ZNF254: variants seen among roughly 807,000 people sequenced by gnomAD.
ZNF254 encodes CTD-2017D11.1.
ZNF254 carries 10 observed loss-of-function variants against 12.4 expected under a neutral mutation model. That is an observed-to-expected ratio of 0.80 (90% CI 0.50 to 1.36). The LOEUF (loss-of-function observed/expected upper bound fraction) is 1.36. Ranked by LOEUF, ZNF254 falls within the 40% of genes most tolerant of loss-of-function variation. ZNF254 has a pLI of 0.00. For missense variants in ZNF254, 996 were observed against 763.9 expected (o/e 1.30, Z -3.58); for synonymous variants, 305 against 253.4 (o/e 1.20, Z -1.93).
At chr19:24,117,635 C>T (rs1323832063) in intron 3 of ZNF254, among the ~76,000 whole-genome samples, 2 of 152,130 alleles carry the variant, frequency 1.3e-5, no homozygotes, top group Non-Finnish European at 2.9e-5. Flanking sequence ...CTCCCTGACC[C>T]CTTGCACTTC....
chr19:24,072,162 T>A (rs1209256409), intron 2 of ZNF254, among the ~76,000 whole-genome samples: 1 of 151,740 alleles, frequency 6.6e-6, no homozygotes, highest in Non-Finnish European at 1.5e-5. Context: ...TCTTTCTGTT[T>A]TTCTTTTTCA....
At chr19:24,037,298 T>C (rs1472622516) in intron 1 of ZNF254, among the ~76,000 whole-genome samples, 2 of 152,170 alleles carry the variant, frequency 1.3e-5, no homozygotes, top group Non-Finnish European at 2.9e-5. Flanking sequence ...TGTCCATGAG[T>C]TCAAGATTAT....
chr19:24,124,716 T>A (rs940667840), intron 3 of ZNF254, among the ~76,000 whole-genome samples: 7 of 152,118 alleles, frequency 4.6e-5, no homozygotes, highest in Admixed American at 3.9e-4. Flanking sequence ...TGTTAACAGT[T>A]CACTGACTAT....
At chr19:24,051,473 T>G (rs575249059) in intron 2 of ZNF254, among the ~76,000 whole-genome samples, 7 of 152,336 alleles carry the variant, frequency 4.6e-5, no homozygotes, top group East Asian at 1.9e-4. Flanking sequence ...GTAACTCTTT[T>G]GTTTGGACTG....
At chr19:24,067,207 GACTCTCCTCTC>G (rs1228921022) in intron 2 of ZNF254, among the ~76,000 whole-genome samples, 1 of 151,876 alleles carries the variant, frequency 6.6e-6, no homozygotes, top group Non-Finnish European at 1.5e-5. Flanking sequence ...TATTTTATGT[GACTCTCCTCTC>G]TTATCTTCAC....
At chr19:24,124,258 C>T (rs996458647) in intron 3 of ZNF254, among the ~76,000 whole-genome samples, 1 of 151,900 alleles carries the variant, frequency 6.6e-6, no homozygotes, top group African/African-American at 2.4e-5. Context: ...TACCTTCCCT[C>T]AAATTTGTCA....
chr19:24,050,603 G>A lies in ZNF254; in HGVS notation c.-94+4324G>A, dbSNP rs147237920. Among the ~76,000 whole-genome samples, 206 of 152,292 alleles carry A rather than the reference G, an allele frequency of 1.4e-3. 1 individual carries two copies. The highest frequency in any genetic ancestry group is 4.8e-3 in the African/African-American group (198 of 41,564). The stretch of plus-strand genomic sequence containing the variant: ...ACTTACTGCTGAATTTAGCATACAG[G>A]TGATATGATTCTTCTGCTGACTCGC... On this transcript the variant is annotated intron_variant, in intron 2 of 4. Transcript: ENST00000613065.
chr19:24,096,440 G>T (rs1972676255), intron 1 of ZNF254, among the ~76,000 whole-genome samples: 1 of 152,040 alleles, frequency 6.6e-6, no homozygotes, highest in African/African-American at 2.4e-5. Context: ...TTATTCAAGT[G>T]CAGGTTGTTT....
upstream of ZNF254, chr19:24,087,078 T>C: frequency 2.0e-6 from 1 of 503,744 alleles, no homozygotes; most frequent in East Asian, 3.7e-5. Flanking sequence ...TCACTCAGGG[T>C]CTGAGTAGGC....
intron 2 of ZNF254, among the ~76,000 whole-genome samples, chr19:24,068,691 C>T (rs1460306939): frequency 6.6e-6 from 1 of 152,146 alleles, no homozygotes; most frequent in African/African-American, 2.4e-5. Flanking sequence ...TGGTCCTTGC[C>T]TTCAAAAAAG....
intron 1 of ZNF254, among the ~76,000 whole-genome samples, chr19:24,090,381 C>T (rs953576750): frequency 6.6e-6 from 1 of 152,126 alleles, no homozygotes; most frequent in South Asian, 2.1e-4. Context: ...CCTGACTTGA[C>T]ACATGATTAA....
At chr19:24,075,778 G>GA (rs1223312363) in intron 2 of ZNF254, among the ~76,000 whole-genome samples, 1 of 152,224 alleles carries the variant, frequency 6.6e-6, no homozygotes, top group Non-Finnish European at 1.5e-5. Context: ...AAGCCTGGGG[G>GA]CGCTGCAGGA....
intron 3 of ZNF254, among the ~76,000 whole-genome samples, chr19:24,109,939 G>A (rs1973567440): frequency 6.6e-6 from 1 of 151,368 alleles, no homozygotes; most frequent in Non-Finnish European, 1.5e-5. Context: ...ATGTTGGTCA[G>A]GCAGGTCTCA....
chr19:24,113,783 A>G (rs981141233), intron 3 of ZNF254, among the ~76,000 whole-genome samples: 3 of 152,050 alleles, frequency 2.0e-5, no homozygotes, highest in Admixed American at 6.6e-5. Flanking sequence ...TACCTAGAAA[A>G]CCCCATTGTC....
At chr19:24,108,030 C>G (rs186973417) in intron 3 of ZNF254, among the ~76,000 whole-genome samples, 3 of 152,296 alleles carry the variant, frequency 2.0e-5, no homozygotes, top group Non-Finnish European at 4.4e-5. Flanking sequence ...TTTCTGCACT[C>G]AGGCCTGCAT....
intron 3 of ZNF254, among the ~76,000 whole-genome samples, chr19:24,124,620 T>C (rs781389475): frequency 1.3e-5 from 2 of 152,074 alleles, no homozygotes; most frequent in Non-Finnish European, 2.9e-5. Flanking sequence ...GCTGATGGTA[T>C]TATTCTCAAT....
chr19:24,051,635 A>G (rs1481182392), intron 2 of ZNF254, among the ~76,000 whole-genome samples: 5 of 152,218 alleles, frequency 3.3e-5, no homozygotes, highest in East Asian at 1.9e-4. Flanking sequence ...ACCTGCACAC[A>G]TTGTGTACTA....
Position 24,076,099 on chromosome 19 carries a change from T to C in ZNF254, c.-94+29820T>C, listed in dbSNP as rs572168061. 9.5e-4 allele frequency among the ~76,000 whole-genome samples: 144 copies of C among 152,288 alleles called. 1 individual carries two copies. The highest frequency in any genetic ancestry group is 3.4e-3 in the African/African-American group (140 of 41,572). On this transcript the variant is annotated intron_variant, in intron 2 of 4. Coordinates refer to the ZNF254 transcript ENST00000613065. Reference sequence around the variant, plus strand: ...TTTTACAAACAATTTGTACAGATAATGCAATCATCACAGGGTCTTGAGGTG... The same window carrying C: ...TTTTACAAACAATTTGTACAGATAACGCAATCATCACAGGGTCTTGAGGTG...
At chr19:24,044,513 G>A (rs1281505003) in intron 1 of ZNF254, among the ~76,000 whole-genome samples, 1 of 150,690 alleles carries the variant, frequency 6.6e-6, no homozygotes, top group Admixed American at 6.6e-5. Flanking sequence ...ACCCCAGCCT[G>A]GGTGACAGAG....
Sources: gnomAD v4.1 joint callset for allele counts (sites outside exome capture counted in the v4.1 genomes callset) on GRCh38, gnomAD v4.1.1 for gene constraint, MANE v1.5 for transcripts, NCBI Gene and HGNC (gene_info 2026-07-23, HGNC 2026-07-21) for gene names.